CNTNAP4: variants seen among roughly 807,000 people sequenced by gnomAD.
CNTNAP4 encodes contactin-associated protein-like 4.
In CNTNAP4, 98 loss-of-function variants were observed where a neutral mutation model predicts 148.4. The observed-to-expected ratio is 0.66, with a 90% CI of 0.56 to 0.78. The LOEUF is 0.78. Ranked by LOEUF, CNTNAP4 falls within the 30% of genes least tolerant of loss-of-function variation. The pLI is 0.00. For synonymous variants in CNTNAP4, 730 were observed against 565.1 expected (o/e 1.29, Z -4.14); for missense variants, 1,935 against 1,565.6 (o/e 1.24, Z -3.98).
At chr16:76,457,323 A>G (rs373868942) in intron 8 of CNTNAP4, among the ~76,000 whole-genome samples, 1 of 152,254 alleles carries the variant, frequency 6.6e-6, no homozygotes, top group Non-Finnish European at 1.5e-5. Context: ...ATTCCAATTG[A>G]CAGGTATTAA....
chr16:76,553,385 C>A lies in CNTNAP4; in HGVS notation c.3545C>A (p.Ala1182Asp), dbSNP rs2085046444. The change falls in exon 22 of 24, where the codon GCT becomes GAT. Residue 1182 changes from alanine to aspartate, a missense_variant. Coordinates refer to ENST00000611870, the MANE Select transcript of CNTNAP4 (RefSeq NM_033401.5). ...QLSHVAPLKA[A>D]LHPSHPDPVT... is the part of the protein sequence containing the mutation. The stretch of plus-strand genomic sequence containing the variant: ...AGCCACGTGGCCCCTCTGAAGGCAG[C>A]TCTGCACCCCAGCCACCCAGACCCT... The A allele has an allele frequency of 6.2e-7, 1 of 1,612,720 alleles. No individual in the cohort carries two copies. The highest frequency in any genetic ancestry group is 8.5e-7 in the Non-Finnish European group (1 of 1,179,264).
At chr16:76,369,284 AT>A in intron 3 of CNTNAP4, among the ~76,000 whole-genome samples, 1 of 152,284 alleles carries the variant, frequency 6.6e-6, no homozygotes, top group Non-Finnish European at 1.5e-5. Flanking sequence ...TTTCTTTAAA[AT>A]TTTTAAGCTA....
chr16:76,378,523 G>A (rs1255626832), intron 3 of CNTNAP4, among the ~76,000 whole-genome samples: 2 of 152,142 alleles, frequency 1.3e-5, no homozygotes, highest in East Asian at 1.9e-4. Context: ...GTAAACTCCA[G>A]GTCTGTCCAT....
At chr16:76,515,941 T>C (rs2083230777) in intron 15 of CNTNAP4, among the ~76,000 whole-genome samples, 1 of 142,114 alleles carries the variant, frequency 7.0e-6, no homozygotes. Flanking sequence ...ATTTTCTATT[T>C]TACTTTAAGT....
chr16:76,490,987 CAT>C (rs1429650375), intron 13 of CNTNAP4, among the ~76,000 whole-genome samples: 1 of 152,136 alleles, frequency 6.6e-6, no homozygotes, highest in Non-Finnish European at 1.5e-5. Flanking sequence ...ATAGAAATAG[CAT>C]ATGTCATAAA....
At chr16:76,548,521 A>G (rs901684565) in intron 21 of CNTNAP4, among the ~76,000 whole-genome samples, 1 of 151,880 alleles carries the variant, frequency 6.6e-6, no homozygotes, top group Non-Finnish European at 1.5e-5. Flanking sequence ...TCTCTGTAAT[A>G]GAAGGGCACT....
At chr16:76,451,753 G>T (rs62050081) in intron 7 of CNTNAP4, among the ~76,000 whole-genome samples, 53,524 of 151,446 alleles carry the variant, frequency 0.35, 10,862 homozygotes, top group Middle Eastern at 0.47. Flanking sequence ...AGATCAAGCT[G>T]CAGGTTAATG....
intron 12 of CNTNAP4, among the ~76,000 whole-genome samples, chr16:76,484,392 C>T: frequency 6.6e-6 from 1 of 150,974 alleles, no homozygotes. Context: ...AATTTAAAGC[C>T]ACGTGGATAG....
At chr16:76,530,221 A>G (rs935398930) in intron 17 of CNTNAP4, among the ~76,000 whole-genome samples, 42 of 151,902 alleles carry the variant, frequency 2.8e-4, no homozygotes, top group Non-Finnish European at 1.0e-4. Context: ...TATTTTTTTA[A>G]TTTCGGTTTT....
chr16:76,474,852 A>T (rs931950780), intron 10 of CNTNAP4, among the ~76,000 whole-genome samples: 2 of 152,186 alleles, frequency 1.3e-5, no homozygotes, highest in Non-Finnish European at 2.9e-5. Flanking sequence ...GGTCCAAAAA[A>T]CTTAACAATG....
chr16:76,410,934 T>G (rs192046969), intron 3 of CNTNAP4, among the ~76,000 whole-genome samples: 74 of 151,662 alleles, frequency 4.9e-4, no homozygotes, highest in African/African-American at 1.7e-3. Context: ...AAGTATAGGT[T>G]AAGATCTACA....
chr16:76,498,580 G>A lies in CNTNAP4; in HGVS notation c.2251G>A (p.Gly751Arg), dbSNP rs2082493034. ...ATTGTTTTTTAGGACCAATGACACTGGATTGCTTGCTTATAAAGAACATCT... is the reference window on the plus strand; with the variant it reads ...ATTGTTTTTTAGGACCAATGACACTAGATTGCTTGCTTATAAAGAACATCT... ...ADRNEWTNDT[G>R]LLAYKEHLPV... The change falls in exon 15 of 24, where the codon GGA becomes AGA. Residue 751 changes from glycine (G) to arginine (R), a missense_variant. By Grantham distance (125) the Gly-to-Arg change is moderately radical (BLOSUM62 -2). Transcript: ENST00000611870. 1.2e-6 allele frequency: 2 copies of A among 1,611,874 alleles called. No homozygotes were observed. The highest frequency in any genetic ancestry group is 1.7e-6 in the Non-Finnish European group (2 of 1,178,924).
chr16:76,370,592 A>C (rs1010487628), intron 3 of CNTNAP4, among the ~76,000 whole-genome samples: 1 of 152,130 alleles, frequency 6.6e-6, no homozygotes, highest in African/African-American at 2.4e-5. Flanking sequence ...AGTCCACGTC[A>C]CTCAGCCCTC....
intron 14 of CNTNAP4, among the ~76,000 whole-genome samples, chr16:76,496,019 G>GTTATATCATACATCAAGA (rs1228947356): frequency 7.9e-5 from 12 of 151,322 alleles, no homozygotes; most frequent in Non-Finnish European, 1.6e-4. Flanking sequence ...TCAAGATTAT[G>GTTATATCATACATCAAGA]TTATATCATA....
chr16:76,404,024 C>T (rs554191977), intron 3 of CNTNAP4, among the ~76,000 whole-genome samples: 3 of 151,910 alleles, frequency 2.0e-5, no homozygotes, highest in East Asian at 1.9e-4. Context: ...AAAGGAACAA[C>T]GGACACTGGG....
intron 11 of CNTNAP4, among the ~76,000 whole-genome samples, chr16:76,478,682 A>G (rs12921856): frequency 0.12 from 18,005 of 152,140 alleles, 1,208 homozygotes; most frequent in South Asian, 0.2. Flanking sequence ...AACCTTGTAC[A>G]TGGCAAATTT....
chr16:76,284,474 G>A (rs1236169880), intron 1 of CNTNAP4, among the ~76,000 whole-genome samples: 1 of 151,908 alleles, frequency 6.6e-6, no homozygotes, highest in Admixed American at 6.6e-5. Flanking sequence ...GAGACCCTGT[G>A]ATTAACTGAA....
At chr16:76,326,916 TTGTGCACA>T (rs1963042698) in intron 2 of CNTNAP4, among the ~76,000 whole-genome samples, 1 of 152,000 alleles carries the variant, frequency 6.6e-6, no homozygotes, top group Admixed American at 6.6e-5. Context: ...AACCTGCACG[TTGTGCACA>T]TGTACCCTAA....
chr16:76,376,907 T>TTGTGTGTG (rs5817987), intron 3 of CNTNAP4, among the ~76,000 whole-genome samples: 6,343 of 143,330 alleles, frequency 0.044, 168 homozygotes, highest in East Asian at 0.097. Context: ...CTAACAAGGT[T>TTGTGTGTG]TGTGTGTGTG....
Sources: allele counts gnomAD v4.1 joint callset (sites outside exome capture counted in the v4.1 genomes callset), GRCh38; gene constraint gnomAD v4.1.1; transcripts MANE v1.5; gene names NCBI Gene and HGNC (gene_info 2026-07-23, HGNC 2026-07-21).